MRGBP: variants seen among roughly 807,000 people sequenced by gnomAD.
The protein encoded by MRGBP is MRG domain binding protein.
A neutral mutation model predicts 21.5 loss-of-function variants in MRGBP; 5 were observed. The ratio of observed to expected loss-of-function variants is 0.23; its 90% CI spans 0.12 to 0.49. The LOEUF is 0.49. MRGBP is among the 20% of genes least tolerant of loss of function. The probability of loss-of-function intolerance (pLI) is 0.98; values close to 1 mark genes in which losing one functional copy is unlikely to be tolerated. For missense variants in MRGBP, 227 were observed against 277.4 expected (o/e 0.82, Z 1.29); for synonymous variants, 118 against 104.4 (o/e 1.13, Z -0.79).
At chr20:62,798,830 G>T in intron 3 of MRGBP, 145 bp from the exon 4 acceptor site, 3 of 1,572,404 alleles carry the variant, frequency 1.9e-6, no homozygotes, top group Non-Finnish European at 2.6e-6. Flanking sequence ...TCCGGGATTG[G>T]AGAGGACTTT....
chr20:62,799,676 C>T lies in MRGBP; in HGVS notation c.*33C>T, dbSNP rs41279362. ...GCCCTGGTGGCGGCAGAGAAGCGGGCGAGGCACTGTGGTCGCTGAGGGGGT... is the reference window on the plus strand; with the variant it reads ...GCCCTGGTGGCGGCAGAGAAGCGGGTGAGGCACTGTGGTCGCTGAGGGGGT... On this transcript the variant is annotated 3_prime_UTR_variant, in exon 5 of 5. Transcript: ENST00000370487. 0.014 allele frequency: 22,625 copies of T among 1,588,298 alleles called. 266 individuals carry two copies. Among genetic ancestry groups the T allele is most frequent in the South Asian group, 0.043 (3,815 of 89,150 alleles).
chr20:62,797,102 C>G lies in MRGBP; in HGVS notation c.149-8C>G. 2 of 1,593,450 alleles carry G rather than the reference C, an allele frequency of 1.3e-6. No homozygotes were observed. The highest frequency in any genetic ancestry group is 2.3e-5 in the South Asian group (2 of 88,586). ...CACCGGTTATCCCGCCGCCCCTCCT[C>G]CCCTCAGGTGTGAACCGACACTTCC... On this transcript the variant is annotated splice_polypyrimidine_tract_variant and splice_region_variant and intron_variant, in intron 1 of 4. Coordinates refer to ENST00000370487, the MANE Select transcript of MRGBP (RefSeq NM_018270.6).
chr20:62,796,592 C>A lies in MRGBP; in HGVS notation c.69C>A (p.Ser23Arg). The A allele has an allele frequency of 2.3e-6, 3 of 1,280,698 alleles. No homozygotes were observed. Among genetic ancestry groups the A allele is most frequent in the Admixed American group, 3.9e-5 (1 of 25,506 alleles). The allele number at this position is 1,280,698 out of a possible 1,614,324, so 79.3% of individuals were successfully genotyped here. The part of the protein sequence containing the change: ...GDKGPGEAAT[S>R]PAEETVVWSP... ...AGGGCCCGGGGGAGGCGGCCACCAGCCCGGCGGAGGAGACAGTGGTGTGGA... is the reference window on the plus strand; with the variant it reads ...AGGGCCCGGGGGAGGCGGCCACCAGACCGGCGGAGGAGACAGTGGTGTGGA... Residue 23 changes from serine (S) to arginine (R), a missense_variant, in exon 1 of 5, where the codon AGC (serine) becomes AGA (arginine). Coordinates refer to ENST00000370487, the MANE Select transcript of MRGBP (RefSeq NM_018270.6).
intron 1 of MRGBP, 83 bp downstream of exon 1, chr20:62,796,754 C>G (rs1282500008): frequency 8.8e-7 from 1 of 1,142,246 alleles, no homozygotes; most frequent in Admixed American, 4.8e-5. Flanking sequence ...GCGACACCCT[C>G]GCCCCCACGC....
chr20:62,799,724 C>T lies in MRGBP; in HGVS notation c.*81C>T. 1 of 1,450,124 alleles carries T rather than the reference C, an allele frequency of 6.9e-7. No homozygotes were observed. The highest frequency in any genetic ancestry group is 9.3e-7 in the Non-Finnish European group (1 of 1,076,458). 89.8% of individuals were successfully genotyped at this position (1,450,124 alleles called of 1,614,324 possible). A position where few individuals can be genotyped will look rare whatever the true frequency, so the allele number is the denominator to read the frequency against. Reference sequence around the variant, plus strand: ...GGTTGGCTGGGTCTGAGTGCCACCCCCCAGGCCACAGTGATACCATCCCAG... The same window carrying T: ...GGTTGGCTGGGTCTGAGTGCCACCCTCCAGGCCACAGTGATACCATCCCAG... On this transcript the variant is annotated 3_prime_UTR_variant, in exon 5 of 5. Coordinates refer to ENST00000370487, the MANE Select transcript of MRGBP (RefSeq NM_018270.6).
chr20:62,799,080 C>T (rs761276226), intron 4 of MRGBP, 31 bp downstream of exon 4: 33 of 1,588,390 alleles, frequency 2.1e-5, no homozygotes, highest in East Asian at 1.1e-4. Context: ...GCCCTGATGC[C>T]CTTTGGGGCT....
Position 62,800,830 on chromosome 20 carries a change from C to G in MRGBP, c.*1187C>G, listed in dbSNP as rs1438610644. 1 of 152,216 alleles carries G rather than the reference C, an allele frequency of 6.6e-6. No homozygotes were observed. Among genetic ancestry groups the G allele is most frequent in the African/African-American group, 2.4e-5 (1 of 41,444 alleles). The allele number at this position is 152,216 out of a possible 1,614,324, so 9.4% of individuals were successfully genotyped here. On this transcript the variant is annotated 3_prime_UTR_variant, in exon 5 of 5. Coordinates refer to ENST00000370487, the MANE Select transcript of MRGBP (RefSeq NM_018270.6). ...ACGGTGCGGGCCCTCGTAGGTCAGG[C>G]AGGCACCAGTGGGCTCCTTCCTGCT...
At position 62,799,030 on chromosome 20, in the gene MRGBP, C is replaced by T; in HGVS notation, c.408C>T (p.Pro136=). Residue 136 remains proline, a synonymous_variant, in exon 4 of 5, where the codon CCC becomes CCT. Coordinates refer to ENST00000370487, the MANE Select transcript of MRGBP (RefSeq NM_018270.6). ...MKEEMKEDVD[P]HNGADDVFSS... ...AGGAGATGAAGGAAGACGTGGACCC[C>T]CACAATGGGGCTGACGATGGTGAGT... 10 of 1,613,098 alleles carry T rather than the reference C, an allele frequency of 6.2e-6. No homozygotes were observed. Among genetic ancestry groups the T allele is most frequent in the Non-Finnish European group, 8.5e-6 (10 of 1,179,644 alleles).
chr20:62,799,024 G>A lies in MRGBP; in HGVS notation c.402G>A (p.Val134=). The A allele has an allele frequency of 1.9e-6, 3 of 1,613,436 alleles. No homozygotes were observed. Among genetic ancestry groups the A allele is most frequent in the Non-Finnish European group, 2.5e-6 (3 of 1,179,836 alleles). ...EEMKEEMKED[V]DPHNGADDVF... Reference sequence around the variant, plus strand: ...TGAAAGAGGAGATGAAGGAAGACGTGGACCCCCACAATGGGGCTGACGATG... The same window carrying A: ...TGAAAGAGGAGATGAAGGAAGACGTAGACCCCCACAATGGGGCTGACGATG... Residue 134 remains valine (V), a synonymous_variant, in exon 4 of 5, where the codon GTG becomes GTA. Coordinates refer to ENST00000370487, the MANE Select transcript of MRGBP (RefSeq NM_018270.6).
chr20:62,797,318 G>T lies in MRGBP; in HGVS notation c.270+87G>T, dbSNP rs1264842436. ...GAGAGTCAGCCTGAGCTGGGCAGAGGCCCCTCCATGTCTGCTGGGGTCTGC... is the reference window on the plus strand; with the variant it reads ...GAGAGTCAGCCTGAGCTGGGCAGAGTCCCCTCCATGTCTGCTGGGGTCTGC... On this transcript the variant is annotated intron_variant, in intron 2 of 4. Transcript: ENST00000370487. 2.7e-6 allele frequency: 4 copies of T among 1,460,450 alleles called. No individual in the cohort carries two copies. In the South Asian group the frequency reaches 4.3e-5, roughly 16 times the overall value. The allele number at this position is 1,460,450 out of a possible 1,614,324, so 90.5% of individuals were successfully genotyped here. A position where few individuals can be genotyped will look rare whatever the true frequency, so the allele number is the denominator to read the frequency against.
chr20:62,798,118 G>A (rs531320552), intron 2 of MRGBP, among the ~76,000 whole-genome samples: 6 of 152,204 alleles, frequency 3.9e-5, no homozygotes, highest in Non-Finnish European at 7.3e-5. Flanking sequence ...GCTCCCAACC[G>A]ACACCCTCGG....
intron 2 of MRGBP, 105 bp from the exon 3 acceptor site, chr20:62,798,482 G>A (rs1483089191): frequency 2.2e-6 from 2 of 892,760 alleles, no homozygotes; most frequent in Non-Finnish European, 3.7e-6. Context: ...ACAGTGATGT[G>A]TGCTCATTGG....
At position 62,799,865 on chromosome 20, in the gene MRGBP, C is replaced by G; in HGVS notation, c.*222C>G. The G allele has an allele frequency of 1.9e-6, 1 of 522,486 alleles. No individual in the cohort carries two copies. Among genetic ancestry groups the G allele is most frequent in the Admixed American group, 3.4e-5 (1 of 29,374 alleles). The allele number at this position is 522,486 out of a possible 1,614,324, so 32.4% of individuals were successfully genotyped here. A position where few individuals can be genotyped will look rare whatever the true frequency, so the allele number is the denominator to read the frequency against. ...CCTGATGGACCTGAAAGACCAGGAT[C>G]GGTCCAGCTCAGATATTGAGGGCTC... is the stretch of plus-strand genomic sequence containing the variant. On this transcript the variant is annotated 3_prime_UTR_variant, in exon 5 of 5. Coordinates refer to ENST00000370487, the MANE Select transcript of MRGBP (RefSeq NM_018270.6).
Position 62,798,663 on chromosome 20 carries a change from G to T in MRGBP, c.347G>T (p.Arg116Leu). The change falls in exon 3 of 5, where the codon CGA (arginine) becomes CTA (leucine). Residue 116 changes from arginine (R) to leucine (L), a missense_variant. Around this residue, in one of 2 missense-constraint regions of MRGBP, gnomAD observed 162 missense variants for 227.7 expected, o/e 0.71. Coordinates refer to ENST00000370487, the MANE Select transcript of MRGBP (RefSeq NM_018270.6). Reference protein sequence around the residue: ...VLPEEIIQEVREGKVMIEEEM... With the variant: ...VLPEEIIQEVLEGKVMIEEEM... ...CCAGAAGAGATCATTCAGGAGGTCCGAGAAGGTGAGGCTCGGGAAAGGTTG... is the reference window on the plus strand; with the variant it reads ...CCAGAAGAGATCATTCAGGAGGTCCTAGAAGGTGAGGCTCGGGAAAGGTTG... The T allele has an allele frequency of 6.2e-7, 1 of 1,613,722 alleles. No individual in the cohort carries two copies. Among genetic ancestry groups the T allele is most frequent in the South Asian group, 1.1e-5 (1 of 91,072 alleles).
chr20:62,796,677 C>T lies in MRGBP; in HGVS notation c.148+6C>T, dbSNP rs779204895. The T allele has an allele frequency of 1.5e-6, 2 of 1,297,828 alleles. No individual in the cohort carries two copies. The highest frequency in any genetic ancestry group is 9.8e-7 in the Non-Finnish European group (1 of 1,019,868). The allele number at this position is 1,297,828 out of a possible 1,614,324, so 80.4% of individuals were successfully genotyped here. A position where few individuals can be genotyped will look rare whatever the true frequency, so the allele number is the denominator to read the frequency against. ...GCTGGGCCACAAGCCCGTCGGTGAG[C>T]GCCCAGGCTGCGGACGCGCGTGGGG... is the stretch of plus-strand genomic sequence containing the variant. On this transcript the variant is annotated splice_donor_region_variant and intron_variant, in intron 1 of 4. Transcript: ENST00000370487.
In MRGBP at chr20:62,800,505, C is replaced by T. The variant is rs1990435198; in HGVS notation, c.*862C>T. On this transcript the variant is annotated 3_prime_UTR_variant, in exon 5 of 5. Transcript: ENST00000370487. ...TGGATGAGAGGCGGGGACCGTGCAG[C>T]TGTCGGCTGATGAGGAGGCGGCCGC... 1 of 152,360 alleles carries T rather than the reference C, an allele frequency of 6.6e-6. No individual in the cohort carries two copies. The highest frequency in any genetic ancestry group is 1.5e-5 in the Non-Finnish European group (1 of 68,040). The allele number at this position is 152,360 out of a possible 1,614,324, so 9.4% of individuals were successfully genotyped here. A position where few individuals can be genotyped will look rare whatever the true frequency, so the allele number is the denominator to read the frequency against.
chr20:62,799,913 T>C lies in MRGBP; in HGVS notation c.*270T>C, dbSNP rs571088405. ...CTCTGAAGCCTAGTTCTGTCTTCTC[T>C]GGAGCAGCTGTGGCTTCCCCGTGGC... On this transcript the variant is annotated 3_prime_UTR_variant, in exon 5 of 5. Coordinates refer to ENST00000370487, the MANE Select transcript of MRGBP (RefSeq NM_018270.6). 1.3e-5 allele frequency: 5 copies of C among 393,948 alleles called. No individual in the cohort carries two copies. The highest frequency in any genetic ancestry group is 8.1e-5 in the African/African-American group (4 of 49,640). 24.4% of individuals were successfully genotyped at this position (393,948 alleles called of 1,614,324 possible).
At position 62,801,638 on chromosome 20, in the gene MRGBP, G is replaced by C. The variant is rs1181291788; in HGVS notation, c.*1995G>C. 1 of 152,328 alleles carries C rather than the reference G, an allele frequency of 6.6e-6. No homozygotes were observed. The highest frequency in any genetic ancestry group is 2.4e-5 in the African/African-American group (1 of 41,474). The allele number at this position is 152,328 out of a possible 1,614,324, so 9.4% of individuals were successfully genotyped here. A position where few individuals can be genotyped will look rare whatever the true frequency, so the allele number is the denominator to read the frequency against. On this transcript the variant is annotated 3_prime_UTR_variant, in exon 5 of 5. Transcript: ENST00000370487. ...AGGAGGAGTCCTGCTCGCCACCCAG[G>C]CTCACTGTCCTAAACCTCCATCTGA...
rs376422046 is a variant in MRGBP at position 62,796,611 on chromosome 20, G to C, written c.88G>C (p.Val30Leu). The part of the protein sequence containing the change: ...AATSPAEETV[V>L]WSPEVEVCLF... Reference sequence around the variant, plus strand: ...CACCAGCCCGGCGGAGGAGACAGTGGTGTGGAGCCCCGAGGTGGAGGTGTG... The same window carrying C: ...CACCAGCCCGGCGGAGGAGACAGTGCTGTGGAGCCCCGAGGTGGAGGTGTG... Residue 30 changes from valine (V) to leucine (L), a missense_variant, in exon 1 of 5, where the codon GTG becomes CTG. Coordinates refer to ENST00000370487, the MANE Select transcript of MRGBP (RefSeq NM_018270.6). The C allele has an allele frequency of 7.6e-7, 1 of 1,322,278 alleles. No homozygotes were observed. The highest frequency in any genetic ancestry group is 9.7e-7 in the Non-Finnish European group (1 of 1,033,216). 81.9% of individuals were successfully genotyped at this position (1,322,278 alleles called of 1,614,324 possible).
Sources: allele counts gnomAD v4.1 joint callset (sites outside exome capture counted in the v4.1 genomes callset), GRCh38; gene constraint gnomAD v4.1.1; regional missense constraint gnomAD v4.1.1; transcripts MANE v1.5; gene names NCBI Gene and HGNC (gene_info 2026-07-23, HGNC 2026-07-21).